The following MYH16 variants were observed in gnomAD, a reference collection of about 807,000 sequenced individuals.
The protein encoded by MYH16 is myosin heavy chain 16, also known as putative uncharacterized protein MYH16.
Position 99,243,572 on chromosome 7 carries a change from G to T in MYH16, n.354+151G>T, listed in dbSNP as rs1005174176. 7.2e-5 allele frequency among the ~76,000 whole-genome samples: 11 copies of T among 152,216 alleles called. No homozygotes were observed. The East Asian group carries it at 2.1e-3, about 29-fold the overall frequency. On this transcript the variant is annotated intron_variant and non_coding_transcript_variant, in intron 2 of 41. Transcript: ENST00000439784. ...ACAAAGGCACAGGGACCACGTTTCTGACATGTTAGAATTTCCACCCAAAGC... is the reference window on the plus strand; with the variant it reads ...ACAAAGGCACAGGGACCACGTTTCTTACATGTTAGAATTTCCACCCAAAGC...
exon 31 of MYH16, chr7:99,291,370 C>T (rs766091866): frequency 4.4e-6 from 2 of 456,716 alleles, no homozygotes; most frequent in South Asian, 3.1e-5. Context: ...CCAGAGCCGG[C>T]TCAATCAAAT....
chr7:99,272,465 T>G (rs1321950418), intron 19 of MYH16, among the ~76,000 whole-genome samples: 2 of 152,072 alleles, frequency 1.3e-5, no homozygotes, highest in African/African-American at 4.8e-5. Flanking sequence ...TGGCCAGGTG[T>G]GGTAGCCCAT....
intron 13 of MYH16, among the ~76,000 whole-genome samples, chr7:99,262,990 T>G (rs1302878362): frequency 6.6e-6 from 1 of 152,118 alleles, no homozygotes; most frequent in Non-Finnish European, 1.5e-5. Flanking sequence ...AGGGTCAGCG[T>G]GGCCAGCAGA....
At chr7:99,296,809 CAGA>C (rs777007149) in exon 34 of MYH16, 4 of 456,630 alleles carry the variant, frequency 8.8e-6, no homozygotes, top group Admixed American at 2.4e-5. Flanking sequence ...GGACAGCTCG[CAGA>C]AGGAGTGCCG....
chr7:99,276,656 T>A (rs1195601766), intron 20 of MYH16, among the ~76,000 whole-genome samples: 1 of 152,202 alleles, frequency 6.6e-6, no homozygotes, highest in African/African-American at 2.4e-5. Context: ...GCAGGGGCAC[T>A]GGCCATGGTG....
chr7:99,309,273 A>G (rs930811841), downstream of MYH16, among the ~76,000 whole-genome samples: 1 of 152,150 alleles, frequency 6.6e-6, no homozygotes, highest in African/African-American at 2.4e-5. Flanking sequence ...GCCTCACTGA[A>G]TCAACAGCTT....
intron 23 of MYH16, among the ~76,000 whole-genome samples, chr7:99,283,113 G>A (rs1216897019): frequency 6.6e-6 from 1 of 152,102 alleles, no homozygotes; most frequent in Non-Finnish European, 1.5e-5. Context: ...GCCCCCTGGG[G>A]AACCAGAGAT....
chr7:99,291,618 CCCCCCCCCA>C (rs1196919190), intron 31 of MYH16, among the ~76,000 whole-genome samples, 168 bp downstream of exon 12: 23 of 4,854 alleles, frequency 4.7e-3, no homozygotes, highest in Admixed American at 0.011. Flanking sequence ...CACAGCAAGA[CCCCCCCCCA>C]CCCCCCCCAC....
At chr7:99,280,491 G>T (rs1199145292) in intron 22 of MYH16, among the ~76,000 whole-genome samples, 1 of 152,186 alleles carries the variant, frequency 6.6e-6, no homozygotes, top group Non-Finnish European at 1.5e-5. Context: ...TGGTCCCAAG[G>T]TCCCCTTCCT....
chr7:99,259,676 A>G (rs1387853833), intron 11 of MYH16, among the ~76,000 whole-genome samples: 1 of 150,584 alleles, frequency 6.6e-6, no homozygotes, highest in African/African-American at 2.4e-5. Context: ...CAGGCTGGAG[A>G]CCTCATCTCT....
chr7:99,291,859 C>T (rs911263395), intron 31 of MYH16, among the ~76,000 whole-genome samples: 2 of 151,824 alleles, frequency 1.3e-5, no homozygotes, highest in South Asian at 2.1e-4. Flanking sequence ...CTTGGGAGGC[C>T]GACACAGGTG....
intron 4 of MYH16, among the ~76,000 whole-genome samples, chr7:99,249,572 G>GTTTTTTTTTTTTTTTTT (rs1195632373): frequency 8.6e-6 from 1 of 116,768 alleles, no homozygotes; most frequent in African/African-American, 3.8e-5. Context: ...GAAAAGTGCT[G>GTTTTTTTTTTTTTTTTT]TTTTTTTTTT....
At chr7:99,292,563 G>T in intron 32 of MYH16, 55 bp downstream of exon 13, 1 of 445,252 alleles carries the variant, frequency 2.2e-6, no homozygotes, top group Admixed American at 2.4e-5. Context: ...GTGGTGCTGG[G>T]GGCCTCACCA....
chr7:99,259,410 T>C (rs900940161), intron 11 of MYH16, among the ~76,000 whole-genome samples: 2 of 152,142 alleles, frequency 1.3e-5, no homozygotes, highest in African/African-American at 4.8e-5. Flanking sequence ...GCCCAGGAGT[T>C]TGAGACTAGC....
At chr7:99,298,696 T>C (rs1052453667) in intron 36 of MYH16, among the ~76,000 whole-genome samples, 22 of 152,334 alleles carry the variant, frequency 1.4e-4, no homozygotes, top group African/African-American at 5.3e-4. Context: ...GAGTTCTTTA[T>C]ATATTTTGAA....
chr7:99,265,982 G>A (rs1363165525), intron 17 of MYH16, among the ~76,000 whole-genome samples: 2 of 152,200 alleles, frequency 1.3e-5, no homozygotes, highest in African/African-American at 2.4e-5. Context: ...TCCCTGGAAG[G>A]AGCCCTCAAT....
At chr7:99,285,967 G>A (rs924810536) in intron 27 of MYH16, among the ~76,000 whole-genome samples, 14 of 152,342 alleles carry the variant, frequency 9.2e-5, no homozygotes, top group East Asian at 7.7e-4. Flanking sequence ...ACTAATGCCC[G>A]CCCAGTGTGG....
intron 13 of MYH16, among the ~76,000 whole-genome samples, chr7:99,262,111 G>A (rs1223909258): frequency 6.6e-6 from 1 of 152,190 alleles, no homozygotes; most frequent in African/African-American, 2.4e-5. Flanking sequence ...TGGGAAGTGG[G>A]GAAATTAAGT....
exon 19 of MYH16, chr7:99,271,043 G>C (rs368237370): frequency 6.5e-6 from 1 of 152,782 alleles, no homozygotes; most frequent in East Asian, 1.9e-4. Flanking sequence ...TGCAGTGTCG[G>C]CTTCGGGGCT....
Sources: allele counts gnomAD v4.1 joint callset (sites outside exome capture counted in the v4.1 genomes callset), GRCh38; gene constraint gnomAD v4.1.1; transcripts MANE v1.5; gene names NCBI Gene and HGNC (gene_info 2026-07-23, HGNC 2026-07-21).